Variants in ZNF850 observed in about 807,000 individuals in gnomAD.
ZNF850 encodes zinc finger protein 850.
In ZNF850, 2 loss-of-function variants were observed where a neutral mutation model predicts 11.9. The ratio of observed to expected loss-of-function variants is 0.17; its 90% CI spans 0.07 to 0.53. The LOEUF is 0.53. Ranked by LOEUF, ZNF850 falls within the 20% of genes least tolerant of loss-of-function variation. The pLI, the probability that ZNF850 is intolerant of heterozygous loss-of-function variation, is 0.94. For missense variants in ZNF850, 1,014 were observed against 1,316.4 expected (o/e 0.77, Z 3.55); for synonymous variants, 381 against 443.0 (o/e 0.86, Z 1.76).
chr19:36,749,745 G>T lies in ZNF850; in HGVS notation c.1295C>A (p.Ala432Asp). The change falls in exon 5 of 5, where the codon GCT (alanine) becomes GAT (aspartate). Residue 432 changes from alanine to aspartate, a missense_variant. Ala to Asp is a moderately radical substitution (Grantham distance 126). Around this residue, in one of 2 missense-constraint regions of ZNF850, gnomAD observed 835 missense variants for 1,022.0 expected, o/e 0.82. Transcript: ENST00000591344. Reference sequence around the variant, plus strand: ...CTGATGTTGAATTAGTGTTGAGCCAGCAGTAAAAGATTTTCCACATTCTTT... The same window carrying T: ...CTGATGTTGAATTAGTGTTGAGCCATCAGTAAAAGATTTTCCACATTCTTT... The part of the protein sequence containing the change: ...DCKECGKSFT[A>D]GSTLIQHQRI... The T allele has an allele frequency of 6.4e-7, 1 of 1,552,216 alleles. No homozygotes were observed. Among genetic ancestry groups the T allele is most frequent in the Admixed American group, 1.9e-5 (1 of 51,554 alleles).
rs999111841 is a variant in ZNF850, at chr19:36,762,288, C to T, written c.139+17G>A. On this transcript the variant is annotated intron_variant, in intron 3 of 4. Transcript: ENST00000591344. ...ACACCCAAAATTCATGAGTTATTTG[C>T]GGATAGACATCCTTACCTAGTGAGA... is the stretch of plus-strand genomic sequence containing the variant. The T allele has an allele frequency of 4.9e-5, 73 of 1,503,902 alleles. No homozygotes were observed. Among genetic ancestry groups the T allele is most frequent in the Admixed American group, 2.3e-4 (10 of 42,680 alleles). 93.2% of individuals were successfully genotyped at this position (1,503,902 alleles called of 1,614,324 possible).
At position 36,749,908 on chromosome 19, in the gene ZNF850, A is replaced by T. The variant is rs1328061896; in HGVS notation, c.1132T>A (p.Ser378Thr). The T allele has an allele frequency of 2.5e-6, 4 of 1,573,050 alleles. No homozygotes were observed. In the African/African-American group the frequency reaches 4.1e-5, roughly 16 times the overall value. ...KECGKSFTFH[S>T]ALIRHQRIHT... ...ATTCGCTGATGTCGAATTAGAGCTG[A>T]GTGAAAAGTAAAAGATTTTCCACAT... The change falls in exon 5 of 5, where the codon TCA becomes ACA. Residue 378 changes from serine (S) to threonine (T), a missense_variant. By Grantham distance (58) the Ser-to-Thr change is moderately conservative (BLOSUM62 1). Transcript: ENST00000591344.
chr19:36,765,472 C>G (rs2040543556), intron 1 of ZNF850, among the ~76,000 whole-genome samples: 1 of 151,054 alleles, frequency 6.6e-6, no homozygotes, highest in Non-Finnish European at 1.5e-5. Context: ...GGGACCCTGT[C>G]TTTTAAAGCT....
At chr19:36,757,709 C>A (rs2040495301) in intron 4 of ZNF850, among the ~76,000 whole-genome samples, 1 of 151,938 alleles carries the variant, frequency 6.6e-6, no homozygotes, top group Non-Finnish European at 1.5e-5. Context: ...GATGTTGTTT[C>A]ACTGTGTTGA....
At chr19:36,768,299 C>T (rs898169999) in intron 1 of ZNF850, among the ~76,000 whole-genome samples, 18 of 151,912 alleles carry the variant, frequency 1.2e-4, no homozygotes, top group African/African-American at 4.4e-4. Flanking sequence ...TCCCTATCTC[C>T]ATAAAATCAT....
chr19:36,750,763 T>G lies in ZNF850; in HGVS notation c.277A>C (p.Lys93Gln). The G allele has an allele frequency of 6.6e-7, 1 of 1,525,216 alleles. No homozygotes were observed. The allele number at this position is 1,525,216 out of a possible 1,614,324, so 94.5% of individuals were successfully genotyped here. ...GATGATGTTACTTCATAGATTTCTT[T>G]TGGCAAACATGAATCTTTGGTCTTA... ...RCKTKDSCLP[K>Q]EIYEVTSSQW... Residue 93 changes from lysine (K) to glutamine (Q), a missense_variant, in exon 5 of 5, where the codon AAA becomes CAA. This residue lies in a region of ZNF850 where 835 missense variants were observed against 1,022.0 expected (regional missense o/e 0.82). Transcript: ENST00000591344.
chr19:36,772,361 AT>A (rs141582234), intron 1 of ZNF850, among the ~76,000 whole-genome samples: 115 of 152,120 alleles, frequency 7.6e-4, no homozygotes, highest in African/African-American at 2.7e-3. Flanking sequence ...CTCACAGCCA[AT>A]CACACTCTCC....
chr19:36,764,765 C>T (rs1488409700), intron 1 of ZNF850, among the ~76,000 whole-genome samples: 2 of 139,384 alleles, frequency 1.4e-5, no homozygotes, highest in Non-Finnish European at 3.0e-5. Flanking sequence ...CTCGCTCTGT[C>T]GCCCAGGCTG....
intron 4 of ZNF850, among the ~76,000 whole-genome samples, chr19:36,758,380 GTT>G (rs2040499468): frequency 6.6e-6 from 1 of 152,016 alleles, no homozygotes; most frequent in African/African-American, 2.4e-5. Context: ...AAATTAAAAA[GTT>G]CTTTTTTTGT....
rs569486867 is a variant in ZNF850, at chr19:36,763,412, C to T, written c.-69-737G>A. ...ATACAAAATTAGCTGGGGGTGGTGG[C>T]GCATGCCTGTAATCCCAGCTACTTG... On this transcript the variant is annotated intron_variant, in intron 1 of 4. Transcript: ENST00000591344. Among the ~76,000 whole-genome samples, 261 of 151,766 alleles carry T rather than the reference C, an allele frequency of 1.7e-3. 2 individuals are homozygous for T. Among genetic ancestry groups the T allele is most frequent in the Admixed American group, 5.3e-3 (80 of 15,218 alleles).
rs1382900496 is a variant in ZNF850 at position 36,748,365 on chromosome 19, G to T, written c.2675C>A (p.Thr892Asn). The T allele has an allele frequency of 6.4e-7, 1 of 1,569,422 alleles. No individual in the cohort carries two copies. The highest frequency in any genetic ancestry group is 8.6e-7 in the Non-Finnish European group (1 of 1,158,724). The part of the protein sequence containing the change: ...SAIIQHRRIH[T>N]GEKPYDCKEC... ...CTTACAATCATAGGGTTTCTCACCA[G>T]TGTGAATTCGCCGATGTTGGATTAT... Residue 892 changes from threonine to asparagine, a missense_variant, in exon 5 of 5, where the codon ACT becomes AAT. This residue lies in a region of ZNF850 where 179 missense variants were observed against 294.4 expected (regional missense o/e 0.61). Coordinates refer to ENST00000591344, the MANE Select transcript of ZNF850 (RefSeq NM_001193552.2).
chr19:36,750,330 C>A lies in ZNF850; in HGVS notation c.710G>T (p.Gly237Val), dbSNP rs1568733861. 2 of 1,536,508 alleles carry A rather than the reference C, an allele frequency of 1.3e-6. No homozygotes were observed. The change falls in exon 5 of 5, where the codon GGC (glycine) becomes GTC (valine). Residue 237 changes from glycine to valine, a missense_variant. Coordinates refer to ENST00000591344, the MANE Select transcript of ZNF850 (RefSeq NM_001193552.2). ...CKEYGKAFISGSHLIQHQKMY... is the reference protein window; with the variant it reads ...CKEYGKAFISVSHLIQHQKMY... ...TTTCTGGTGTTGAATAAGATGTGAG[C>A]CAGAAATAAAAGCTTTTCCATATTC...
Position 36,770,314 on chromosome 19 carries a change from G to A in ZNF850, c.-70+2411C>T, listed in dbSNP as rs553232203. On this transcript the variant is annotated intron_variant, in intron 1 of 4. Transcript: ENST00000591344. ...CCCTCCACTCCCCAGGGGTGGGAGG[G>A]TAGGGGCTCAAAGTCTCAACCCTCT... Among the ~76,000 whole-genome samples, 503 of 152,308 alleles carry A rather than the reference G, an allele frequency of 3.3e-3. 3 individuals carry two copies. Among genetic ancestry groups the A allele is most frequent in the Middle Eastern group, 0.01 (3 of 294 alleles).
At position 36,748,708 on chromosome 19, in the gene ZNF850, T is replaced by A; in HGVS notation, c.2332A>T (p.Ile778Leu). 1 of 1,538,656 alleles carries A rather than the reference T, an allele frequency of 6.5e-7. No individual in the cohort carries two copies. The highest frequency in any genetic ancestry group is 8.7e-7 in the Non-Finnish European group (1 of 1,147,308). Residue 778 changes from isoleucine (I) to leucine (L), a missense_variant, in exon 5 of 5, where the codon ATA becomes TTA. By Grantham distance (5) the Ile-to-Leu change is conservative (BLOSUM62 2). Coordinates refer to ENST00000591344, the MANE Select transcript of ZNF850 (RefSeq NM_001193552.2). ...SHSTLIQHQQ[I>L]HTGEKLYDCK... ...TCATAGAGCTTCTCACCAGTGTGTA[T>A]TTGCTGATGTTGAATTAGTGTTGAG...
At position 36,750,440 on chromosome 19, in the gene ZNF850, C is replaced by G. The variant is rs1311193358; in HGVS notation, c.600G>C (p.Lys200Asn). The part of the protein sequence containing the change: ...THTGEKLYKC[K>N]ECGKAFHHFS... ...AGTGATGAAAGGCCTTCCCACACTCCTTACATTTATAGAGTTTTTCACCAG... is the reference window on the plus strand; with the variant it reads ...AGTGATGAAAGGCCTTCCCACACTCGTTACATTTATAGAGTTTTTCACCAG... Residue 200 changes from lysine to asparagine, a missense_variant, in exon 5 of 5, where the codon AAG becomes AAC. By Grantham distance (94) the Lys-to-Asn change is moderately conservative. This residue lies in a region of ZNF850 where 835 missense variants were observed against 1,022.0 expected (regional missense o/e 0.82). Coordinates refer to ENST00000591344, the MANE Select transcript of ZNF850 (RefSeq NM_001193552.2). 8.5e-6 allele frequency: 13 copies of G among 1,536,450 alleles called. No individual in the cohort carries two copies. Among genetic ancestry groups the G allele is most frequent in the Non-Finnish European group, 1.0e-5 (12 of 1,146,968 alleles).
rs1322623949 is a variant in ZNF850, at chr19:36,745,436, C to T, written c.*2331G>A. Reference sequence around the variant, plus strand: ...ATACCACCTTGTAAGAAATGCCTTTCCTGACTACCTTATCTAAATTAGTCC... The same window carrying T: ...ATACCACCTTGTAAGAAATGCCTTTTCTGACTACCTTATCTAAATTAGTCC... On this transcript the variant is annotated 3_prime_UTR_variant, in exon 5 of 5. Coordinates refer to ENST00000591344, the MANE Select transcript of ZNF850 (RefSeq NM_001193552.2). 6.6e-6 allele frequency: 1 copy of T among 151,986 alleles called. No homozygotes were observed. Among genetic ancestry groups the T allele is most frequent in the African/African-American group, 2.4e-5 (1 of 41,378 alleles). The allele number at this position is 151,986 out of a possible 1,614,324, so 9.4% of individuals were successfully genotyped here. A position where few individuals can be genotyped will look rare whatever the true frequency, so the allele number is the denominator to read the frequency against.
At chr19:36,771,221 G>A (rs1355485296) in intron 1 of ZNF850, among the ~76,000 whole-genome samples, 6 of 152,186 alleles carry the variant, frequency 3.9e-5, no homozygotes, top group Non-Finnish European at 5.9e-5. Flanking sequence ...TCTCCCCAGC[G>A]GAGGGACCCA....
At chr19:36,768,601 A>G (rs1426789481) in intron 1 of ZNF850, among the ~76,000 whole-genome samples, 1 of 152,132 alleles carries the variant, frequency 6.6e-6, no homozygotes, top group African/African-American at 2.4e-5. Flanking sequence ...CTGTCTTTAA[A>G]TCTATCTAGG....
intron 1 of ZNF850, among the ~76,000 whole-genome samples, chr19:36,770,782 A>C (rs1202394541): frequency 6.9e-6 from 1 of 144,728 alleles, no homozygotes; most frequent in African/African-American, 2.5e-5. Flanking sequence ...GTTGTATGCG[A>C]GGAAATAGGG....
Sources: gnomAD v4.1 joint callset for allele counts (sites outside exome capture counted in the v4.1 genomes callset) on GRCh38, gnomAD v4.1.1 for gene constraint, gnomAD v4.1.1 regional missense constraint, MANE v1.5 for transcripts, NCBI Gene and HGNC (gene_info 2026-07-23, HGNC 2026-07-21) for gene names.